Variants in CACNB4 observed in about 807,000 individuals in gnomAD.
The protein encoded by CACNB4 is voltage-dependent L-type calcium channel subunit beta-4.
A neutral mutation model predicts 71.2 loss-of-function variants in CACNB4; 32 were observed. The observed-to-expected ratio is 0.45, with a 90% CI of 0.34 to 0.60. The LOEUF is 0.60. Ranked by LOEUF, CACNB4 falls within the 20% of genes least tolerant of loss-of-function variation. The pLI, the probability that CACNB4 is intolerant of heterozygous loss-of-function variation, is 0.01. For synonymous variants in CACNB4, 231 were observed against 236.9 expected (o/e 0.97, Z 0.23); for missense variants, 464 against 647.9 (o/e 0.72, Z 3.08).
intron 2 of CACNB4, chr2:151,973,940 C>CA: frequency 7.7e-7 from 1 of 1,293,568 alleles, no homozygotes; most frequent in Middle Eastern, 2.9e-4. Flanking sequence ...ATACAGAGCA[C>CA]AAAAAGCAAA....
chr2:151,870,362 A>G (rs1332642148), intron 8 of CACNB4, 169 bp downstream of exon 8: 1 of 708,332 alleles, frequency 1.4e-6, no homozygotes, highest in African/African-American at 1.7e-5. Context: ...GAGAGGAAAG[A>G]AAGGGCAGAG....
chr2:151,915,576 C>T (rs918736183), intron 2 of CACNB4, among the ~76,000 whole-genome samples: 3 of 152,192 alleles, frequency 2.0e-5, no homozygotes, highest in Non-Finnish European at 4.4e-5. Context: ...GGCACAGTGG[C>T]TCATGCATAT....
chr2:151,950,443 C>T (rs1376064351), intron 2 of CACNB4, among the ~76,000 whole-genome samples: 2 of 152,154 alleles, frequency 1.3e-5, no homozygotes, highest in East Asian at 3.9e-4. Context: ...AGAGAACAAC[C>T]ATATGTCCCA....
intron 2 of CACNB4, among the ~76,000 whole-genome samples, chr2:151,922,221 G>C (rs905849566): frequency 6.6e-6 from 1 of 152,018 alleles, no homozygotes; most frequent in Admixed American, 6.6e-5. Flanking sequence ...TTTTATTTTT[G>C]AGATGGGGGT....
chr2:151,870,343 A>C (rs2099844291), intron 8 of CACNB4, 188 bp downstream of exon 8: 1 of 705,132 alleles, frequency 1.4e-6, no homozygotes, highest in African/African-American at 1.7e-5. Context: ...AAAGATGAGA[A>C]GTGTGCAAGA....
chr2:151,870,783 T>C lies in CACNB4; in HGVS notation c.618+59A>G, dbSNP rs147140980. 24 of 1,402,848 alleles carry C rather than the reference T, an allele frequency of 1.7e-5. No individual in the cohort carries two copies. The African/African-American group carries it at 3.0e-4, about 17-fold the overall frequency. 86.9% of individuals were successfully genotyped at this position (1,402,848 alleles called of 1,614,324 possible). ...CCACTTGGGTCACTGAAATGGAGCA[T>C]TGCAGGCATGTATATATAGGAACCT... On this transcript the variant is annotated intron_variant, in intron 7 of 13. Transcript: ENST00000539935.
chr2:151,966,579 T>A (rs1033512499), intron 2 of CACNB4, among the ~76,000 whole-genome samples: 1 of 152,080 alleles, frequency 6.6e-6, no homozygotes, highest in South Asian at 2.1e-4. Flanking sequence ...GCGCCCAGCC[T>A]CCCAGCATTA....
At chr2:151,974,558 T>G (rs2099873430) in intron 2 of CACNB4, among the ~76,000 whole-genome samples, 1 of 152,254 alleles carries the variant, frequency 6.6e-6, no homozygotes, top group Non-Finnish European at 1.5e-5. Context: ...GTGAAATGTT[T>G]AATGCTCTTT....
chr2:151,846,626 C>G (rs2099837662), intron 12 of CACNB4, among the ~76,000 whole-genome samples: 1 of 152,166 alleles, frequency 6.6e-6, no homozygotes, highest in Admixed American at 6.5e-5. Context: ...AATCTCCGAT[C>G]ACTGAAGCCT....
At chr2:151,873,014 G>A (rs770610) in intron 5 of CACNB4, 151,396 of 152,400 alleles carry the variant, frequency 0.99, 75,206 homozygotes, top group Middle Eastern at 1. Context: ...CACAAATGCC[G>A]TCGGGAGCTG....
chr2:151,913,545 C>G (rs931298006), intron 2 of CACNB4, among the ~76,000 whole-genome samples: 3 of 152,010 alleles, frequency 2.0e-5, no homozygotes, highest in African/African-American at 7.3e-5. Flanking sequence ...GAGGGTGGAT[C>G]ATGAGGTCAG....
chr2:152,040,133 G>A (rs1025885890), intron 2 of CACNB4, among the ~76,000 whole-genome samples: 2 of 152,232 alleles, frequency 1.3e-5, no homozygotes, highest in Middle Eastern at 3.4e-3. Context: ...TAAATTAGCT[G>A]GGAGTTTTTT....
At chr2:152,000,787 G>A (rs1023470950) in intron 2 of CACNB4, among the ~76,000 whole-genome samples, 5 of 152,026 alleles carry the variant, frequency 3.3e-5, no homozygotes, top group African/African-American at 7.2e-5. Flanking sequence ...GCACTCACAC[G>A]CCCCTGACCT....
intron 10 of CACNB4, chr2:151,858,750 T>C (rs2099840902): frequency 1.3e-5 from 2 of 152,244 alleles, no homozygotes; most frequent in African/African-American, 4.8e-5. Context: ...GTTCTAAGCA[T>C]GCTATACACA....
At position 151,995,327 on chromosome 2, in the gene CACNB4, T is replaced by C. The variant is rs940588206; in HGVS notation, c.147+103003A>G. ...TACAAGGTAAAATGAGAAAACATCA[T>C]GTGAATTTTTTGAGTGTAAGATTTA... On this transcript the variant is annotated intron_variant, in intron 2 of 13. Transcript: ENST00000539935. Among the ~76,000 whole-genome samples, 20 of 152,190 alleles carry C rather than the reference T, an allele frequency of 1.3e-4. 1 individual carries two copies. Among genetic ancestry groups the C allele is most frequent in the African/African-American group, 3.9e-4 (16 of 41,446 alleles).
At chr2:151,998,307 T>G (rs549281871) in intron 2 of CACNB4, among the ~76,000 whole-genome samples, 98 of 114,432 alleles carry the variant, frequency 8.6e-4, no homozygotes, top group African/African-American at 4.0e-3. Flanking sequence ...CCTGGGCAAC[T>G]CCATCTCCAA....
chr2:152,035,651 C>CTATA lies in CACNB4; in HGVS notation c.147+62675_147+62678dup, dbSNP rs1553818082. Reference sequence around the variant, plus strand: ...TCTCCCTCTCTCTCTCTCTCTCTCTCTATATATATATATATATGTATGTAT... The same window carrying CTATA: ...TCTCCCTCTCTCTCTCTCTCTCTCTCTATATATATATATATATATATGTATGTAT... On this transcript the variant is annotated intron_variant, in intron 2 of 13. Transcript: ENST00000539935. 7.6e-4 allele frequency among the ~76,000 whole-genome samples: 90 copies of CTATA among 118,050 alleles called. 1 individual carries two copies. The highest frequency in any genetic ancestry group is 2.9e-3 in the African/African-American group (81 of 27,574). 77.4% of individuals were successfully genotyped at this position (118,050 alleles called of 152,430 possible). A position where few individuals can be genotyped will look rare whatever the true frequency, so the allele number is the denominator to read the frequency against.
At chr2:151,959,182 A>G (rs1466888274) in intron 2 of CACNB4, among the ~76,000 whole-genome samples, 2 of 152,208 alleles carry the variant, frequency 1.3e-5, no homozygotes, top group African/African-American at 4.8e-5. Flanking sequence ...GAAATGATAT[A>G]GTTTATAGCC....
intron 2 of CACNB4, among the ~76,000 whole-genome samples, chr2:151,907,194 C>T (rs2099855043): frequency 6.6e-6 from 1 of 151,966 alleles, no homozygotes. Flanking sequence ...AGCAAGGACC[C>T]TAATATATGT....
Sources: gnomAD v4.1 joint callset for allele counts (sites outside exome capture counted in the v4.1 genomes callset) on GRCh38, gnomAD v4.1.1 for gene constraint, MANE v1.5 for transcripts, NCBI Gene and HGNC (gene_info 2026-07-23, HGNC 2026-07-21) for gene names.